PEAR1: variants seen among roughly 807,000 people sequenced by gnomAD.
PEAR1 encodes platelet endothelial aggregation receptor 1, also known as multiple EGF-like domains protein 12.
Under a neutral mutation model 131.2 loss-of-function variants are expected in PEAR1, and 113 were observed. That is an observed-to-expected ratio of 0.86 (90% CI 0.74 to 1.01). The LOEUF is 1.01. PEAR1 is among the 50% of genes least tolerant of loss of function. The pLI, the probability that PEAR1 is intolerant of heterozygous loss-of-function variation, is 0.00. For synonymous variants in PEAR1, 565 were observed against 523.3 expected (o/e 1.08, Z -1.09); for missense variants, 1,408 against 1,391.1 (o/e 1.01, Z -0.19).
At chr1:156,911,065 C>CTTTCT (rs1553269220) in intron 15 of PEAR1, among the ~76,000 whole-genome samples, 3 of 113,340 alleles carry the variant, frequency 2.6e-5, no homozygotes, top group African/African-American at 5.4e-5. Context: ...TTCTTTCTTT[C>CTTTCT]TTTCTTTCTT....
rs545672693 is a variant in PEAR1, at chr1:156,898,159, GGGGATGACAATCACCAGCACCTTCCA to G, written c.-10+4326_-10+4351del. 2.8e-4 allele frequency among the ~76,000 whole-genome samples: 43 copies of G among 152,294 alleles called. No homozygotes were observed. The East Asian group carries it at 6.8e-3, about 24-fold the overall frequency. On this transcript the variant is annotated intron_variant, in intron 1 of 22. Transcript: ENST00000292357. Reference sequence around the variant, plus strand: ...CCCTCCACTGTGCTGCCTACCAAATGGGGATGACAATCACCAGCACCTTCCAGGGTGGCGGCGAGGGTTGGGACTGG... The same window carrying G: ...CCCTCCACTGTGCTGCCTACCAAATGGGGTGGCGGCGAGGGTTGGGACTGG...
Position 156,902,746 on chromosome 1 carries a change from A to G in PEAR1, c.-9-1172A>G, listed in dbSNP as rs1433388783. Among the ~76,000 whole-genome samples, 4 of 152,148 alleles carry G rather than the reference A, an allele frequency of 2.6e-5. No individual in the cohort carries two copies. The highest frequency in any genetic ancestry group is 5.9e-5 in the Non-Finnish European group (4 of 68,018). ...GAGGCGTAGAGCAGGGAGCCAGAGC[A>G]AGTTTTGGGAACACGGAATGCAGAC... is the stretch of plus-strand genomic sequence containing the variant. On this transcript the variant is annotated intron_variant, in intron 1 of 22. Coordinates refer to ENST00000292357, the MANE Select transcript of PEAR1 (RefSeq NM_001080471.3). The surrounding 1 kb of genome is among the most constrained non-coding windows in gnomAD (Gnocchi z 4.3).
chr1:156,906,482 G>A lies in PEAR1; in HGVS notation c.400+114G>A, dbSNP rs372926313. 5.4e-4 allele frequency: 826 copies of A among 1,529,628 alleles called. 4 individuals are homozygous for A. The African/African-American group carries it at 7.9e-3, about 15-fold the overall frequency. The allele number at this position is 1,529,628 out of a possible 1,614,324, so 94.8% of individuals were successfully genotyped here. The stretch of plus-strand genomic sequence containing the variant: ...GCTTAGGACCCCAGGGCGATTACCC[G>A]CCAGAGCCCCATTGCTGCCATCTGC... On this transcript the variant is annotated intron_variant, in intron 5 of 22. Transcript: ENST00000292357.
Position 156,908,873 on chromosome 1 carries a change from C to T in PEAR1, c.1291-43C>T. 1 of 1,608,650 alleles carries T rather than the reference C, an allele frequency of 6.2e-7. No homozygotes were observed. Among genetic ancestry groups the T allele is most frequent in the Non-Finnish European group, 8.5e-7 (1 of 1,178,996 alleles). On this transcript the variant is annotated intron_variant, in intron 10 of 22. Transcript: ENST00000292357. The surrounding 1 kb of genome is among the most constrained non-coding windows in gnomAD (Gnocchi z 4.2). ...CAAGGAAGCGAGGCAGGTGGAGAGG[C>T]CAAGGAATGGGCCGCCCCTCTCACC...
intron 14 of PEAR1, 43 bp from the exon 15 acceptor site, chr1:156,910,575 G>A: frequency 1.2e-6 from 2 of 1,608,690 alleles, no homozygotes; most frequent in Non-Finnish European, 1.7e-6. Context: ...GCTGATTGAG[G>A]ATTGGCCTCT....
In PEAR1 at chr1:156,908,354, C is replaced by G; in HGVS notation, c.1115+14C>G. On this transcript the variant is annotated intron_variant, in intron 9 of 22. Transcript: ENST00000292357. The surrounding 1 kb of genome is among the most constrained non-coding windows in gnomAD (Gnocchi z 4.2). ...GCACAGCCTCAGGTGGGCCGCGGGA[C>G]ATGTGGTCAAAGGATCAGGAGGCCA... The G allele has an allele frequency of 6.7e-7, 1 of 1,496,718 alleles. No individual in the cohort carries two copies. The highest frequency in any genetic ancestry group is 8.9e-7 in the Non-Finnish European group (1 of 1,122,784). The allele number at this position is 1,496,718 out of a possible 1,614,324, so 92.7% of individuals were successfully genotyped here.
rs931141974 is a variant in PEAR1, at chr1:156,913,222, C to T, written c.2451C>T (p.Tyr817=). 1 of 1,613,834 alleles carries T rather than the reference C, an allele frequency of 6.2e-7. No homozygotes were observed. Among genetic ancestry groups the T allele is most frequent in the Non-Finnish European group, 8.5e-7 (1 of 1,179,898 alleles). Reference sequence around the variant, plus strand: ...TCCCTCCGAGCTACAGTCACTACTACTCCAACCCCAGCTACCACACCCTGT... The same window carrying T: ...TCCCTCCGAGCTACAGTCACTACTATTCCAACCCCAGCTACCACACCCTGT... ...PDVPPSYSHY[Y]SNPSYHTLSQ... is the part of the protein sequence containing the mutation. The change falls in exon 19 of 23, where the codon TAC becomes TAT. Residue 817 remains tyrosine (Y), a synonymous_variant. Transcript: ENST00000292357.
rs147826153 is a variant in PEAR1, at chr1:156,913,264, C to G, written c.2493C>G (p.Asn831Lys). 5.0e-6 allele frequency: 8 copies of G among 1,607,628 alleles called. No homozygotes were observed. Among genetic ancestry groups the G allele is most frequent in the Non-Finnish European group, 6.8e-6 (8 of 1,176,636 alleles). Residue 831 changes from asparagine (N) to lysine (K), a missense_variant, in exon 19 of 23, where the codon AAC (asparagine) becomes AAG (lysine). Physicochemically the swap from Asn to Lys is moderately conservative, Grantham distance 94 (BLOSUM62 0). Transcript: ENST00000292357. ...ACACCCTGTCGCAGTGCTCCCCAAA[C>G]CCCCCACCCCCTAACAAGGTCAGTG... is the stretch of plus-strand genomic sequence containing the variant. ...SYHTLSQCSP[N>K]PPPPNKVPGP... is the part of the protein sequence containing the mutation.
chr1:156,910,456 C>T (rs1650929519), intron 14 of PEAR1, 76 bp downstream of exon 14: 1 of 1,544,248 alleles, frequency 6.5e-7, no homozygotes, highest in Admixed American at 1.9e-5. Flanking sequence ...GCACCCCTCC[C>T]CCCGCGCCCG....
At chr1:156,911,049 C>CTTTCTTTCTTTCTTTT (rs1558143440) in intron 15 of PEAR1, among the ~76,000 whole-genome samples, 21 of 109,094 alleles carry the variant, frequency 1.9e-4, no homozygotes, top group Admixed American at 8.2e-4. Flanking sequence ...TTCTTTCTTT[C>CTTTCTTTCTTTCTTTT]TTTCTTTCTT....
At position 156,915,438 on chromosome 1, in the gene PEAR1, T is replaced by A. The variant is rs1326461366; in HGVS notation, c.*640T>A. On this transcript the variant is annotated 3_prime_UTR_variant, in exon 23 of 23. Coordinates refer to ENST00000292357, the MANE Select transcript of PEAR1 (RefSeq NM_001080471.3). ...GCCCATCTGTCTCTCCAGCCTCACCTTGAACTGTGTTCCTGTCACTGCACG... is the reference window on the plus strand; with the variant it reads ...GCCCATCTGTCTCTCCAGCCTCACCATGAACTGTGTTCCTGTCACTGCACG... 3.3e-5 allele frequency: 5 copies of A among 152,264 alleles called. No individual in the cohort carries two copies. Among genetic ancestry groups the A allele is most frequent in the African/African-American group, 9.6e-5 (4 of 41,456 alleles). 9.4% of individuals were successfully genotyped at this position (152,264 alleles called of 1,614,324 possible).
chr1:156,909,637 A>ACCCC, intron 11 of PEAR1, 114 bp from the exon 12 acceptor site: 1 of 1,197,476 alleles, frequency 8.4e-7, no homozygotes, highest in Non-Finnish European at 1.2e-6. Context: ...TGCCGTGAAC[A>ACCCC]CCCCCCACCC....
In PEAR1 at chr1:156,907,448, G is replaced by A. The variant is rs570187418; in HGVS notation, c.645-162G>A. ...TGCCAGGGTGTCCCTGCCATTTCCA[G>A]TCCTGGAAACCTTTGCTTTCTGACT... On this transcript the variant is annotated intron_variant, in intron 6 of 22. Transcript: ENST00000292357. Among the ~76,000 whole-genome samples, 876 of 152,330 alleles carry A rather than the reference G, an allele frequency of 5.8e-3. 3 individuals are homozygous for A. The highest frequency in any genetic ancestry group is 0.01 in the Middle Eastern group (3 of 294).
rs74116909 is a variant in PEAR1, at chr1:156,904,752, A to G, written c.106A>G (p.Thr36Ala). The G allele has an allele frequency of 5.4e-4, 877 of 1,610,646 alleles. 2 individuals carry two copies. The African/African-American group carries it at 9.9e-3, about 18-fold the overall frequency. ...ACCCTGTTCCCTGTCTTGCAGCTTC[A>G]CTACCACCACCAAGGAGTCCCACTC... ...PNTCSFWESF[T>A]TTTKESHSRP... Residue 36 changes from threonine to alanine, a missense_variant, in exon 3 of 23, where the codon ACT (threonine) becomes GCT (alanine). Transcript: ENST00000292357.
Position 156,903,942 on chromosome 1 carries a change from TG to T in PEAR1, c.17del (p.Cys6PhefsTer75). 1 of 1,614,056 alleles carries T rather than the reference TG, an allele frequency of 6.2e-7. No homozygotes were observed. Among genetic ancestry groups the T allele is most frequent in the South Asian group, 1.1e-5 (1 of 91,086 alleles). On this transcript the variant is annotated frameshift_variant, in exon 2 of 23. Transcript: ENST00000292357. LOFTEE classifies it high-confidence loss of function. MSPPL[C>X]PLLLLAVGLR... ...GGCCTCTGCAATGTCACCGCCTCTG[TG>T]TCCCCTCCTTCTCCTGGCTGTGGGC... is the stretch of plus-strand genomic sequence containing the variant.
chr1:156,909,028 G>T lies in PEAR1; in HGVS notation c.1403G>T (p.Cys468Phe). 6.2e-7 allele frequency: 1 copy of T among 1,614,014 alleles called. No individual in the cohort carries two copies. The highest frequency in any genetic ancestry group is 8.5e-7 in the Non-Finnish European group (1 of 1,180,006). ...TCACCCATCGACGGCGAGTGCGTCT[G>T]CAAGGAAGGTAATAGGGTGGAGTTT... Reference protein sequence around the residue: ...ACSPIDGECVCKEGWQRGNCS... With the variant: ...ACSPIDGECVFKEGWQRGNCS... The change falls in exon 11 of 23, where the codon TGC becomes TTC. Residue 468 changes from cysteine (C) to phenylalanine (F), a missense_variant. By Grantham distance (205) the Cys-to-Phe change is radical. Transcript: ENST00000292357.
chr1:156,910,644 C>T lies in PEAR1; in HGVS notation c.1852C>T (p.Arg618Cys). Reference protein sequence around the residue: ...RSCQPGRYGKRCVPCKCANHS... With the variant: ...RSCQPGRYGKCCVPCKCANHS... ...CTGTCAGCCTGGCCGCTATGGCAAA[C>T]GCTGTGTGCCCTGCAAGTGCGCTAA... Residue 618 changes from arginine (R) to cysteine (C), a missense_variant, in exon 15 of 23, where the codon CGC becomes TGC. Coordinates refer to ENST00000292357, the MANE Select transcript of PEAR1 (RefSeq NM_001080471.3). 6.2e-7 allele frequency: 1 copy of T among 1,614,088 alleles called. No homozygotes were observed. The highest frequency in any genetic ancestry group is 8.5e-7 in the Non-Finnish European group (1 of 1,180,026).
chr1:156,894,545 G>A (rs148638808), intron 1 of PEAR1, among the ~76,000 whole-genome samples: 3 of 152,192 alleles, frequency 2.0e-5, no homozygotes, highest in Admixed American at 6.5e-5. Context: ...AGGACTGGGG[G>A]TTCAGCTTGA....
Position 156,912,530 on chromosome 1 carries a change from A to G in PEAR1, c.2117A>G (p.Gln706Arg), listed in dbSNP as rs760881961. The change falls in exon 17 of 23, where the codon CAG becomes CGG. Residue 706 changes from glutamine (Q) to arginine (R), a missense_variant. Coordinates refer to ENST00000292357, the MANE Select transcript of PEAR1 (RefSeq NM_001080471.3). ...PLGTFGANCSQPCQCGPGEKC... is the reference protein window; with the variant it reads ...PLGTFGANCSRPCQCGPGEKC... ...GGGACATTTGGTGCTAACTGCTCCCAGCCATGCCAGTGTGGTCCTGGAGAA... is the reference window on the plus strand; with the variant it reads ...GGGACATTTGGTGCTAACTGCTCCCGGCCATGCCAGTGTGGTCCTGGAGAA... The G allele has an allele frequency of 6.2e-7, 1 of 1,614,020 alleles. No homozygotes were observed. The highest frequency in any genetic ancestry group is 8.5e-7 in the Non-Finnish European group (1 of 1,180,006).
Sources: gnomAD v4.1 joint callset for allele counts (sites outside exome capture counted in the v4.1 genomes callset) on GRCh38, gnomAD v4.1.1 for gene constraint, Gnocchi (gnomAD v3.1) non-coding constraint, MANE v1.5 for transcripts, NCBI Gene and HGNC (gene_info 2026-07-23, HGNC 2026-07-21) for gene names.